Variants in MYO1G observed in about 807,000 individuals in gnomAD.
MYO1G encodes the protein unconventional myosin-Ig.
In MYO1G, 65 loss-of-function variants were observed where a neutral mutation model predicts 115.3. The ratio of observed to expected loss-of-function variants is 0.56; its 90% CI spans 0.46 to 0.69. MYO1G has a LOEUF of 0.69. Ranked by LOEUF, MYO1G falls within the 30% of genes least tolerant of loss-of-function variation. MYO1G has a pLI of 0.00. For missense variants in MYO1G, 1,204 were observed against 1,393.5 expected (o/e 0.86, Z 2.16); for synonymous variants, 510 against 552.6 (o/e 0.92, Z 1.08).
intron 7 of MYO1G, among the ~76,000 whole-genome samples, 177 bp downstream of exon 7, chr7:44,971,496 C>A (rs549970998): frequency 6.6e-6 from 1 of 152,332 alleles, no homozygotes; most frequent in South Asian, 2.1e-4. Context: ...AGAATGGGGT[C>A]TGGACCATGT....
Position 44,975,405 on chromosome 7 carries a change from C to T in MYO1G, c.564+79G>A, listed in dbSNP as rs149282135. 9.5e-4 allele frequency: 1,482 copies of T among 1,553,342 alleles called. 10 individuals carry two copies. In the African/African-American group the frequency reaches 0.014, roughly 15 times the overall value. ...GCCCAGCCCTCCTAAGCTGCACCGTCGGGATGGGTACCTTCCCAGGCCTGG... is the reference window on the plus strand; with the variant it reads ...GCCCAGCCCTCCTAAGCTGCACCGTTGGGATGGGTACCTTCCCAGGCCTGG... On this transcript the variant is annotated intron_variant, in intron 4 of 21. Coordinates refer to ENST00000258787, the MANE Select transcript of MYO1G (RefSeq NM_033054.3).
chr7:44,971,819 G>A (rs369045101), intron 6 of MYO1G, 30 bp from the exon 7 acceptor site: 2 of 1,476,744 alleles, frequency 1.4e-6, no homozygotes, highest in Admixed American at 2.0e-5. Flanking sequence ...TCACTCCAAA[G>A]CCACACTGGG....
Position 44,964,901 on chromosome 7 carries a change from C to A in MYO1G, c.2526+44G>T. On this transcript the variant is annotated intron_variant, in intron 18 of 21. Transcript: ENST00000258787. This position sits in a 1 kb window ranked among gnomAD's most constrained non-coding sequence, Gnocchi z 5.1. Reference sequence around the variant, plus strand: ...AGCATTAGCCGAGAGCCCTCTTTGGCAGCCCACTTCCCCCTGGCAGCCCTG... The same window carrying A: ...AGCATTAGCCGAGAGCCCTCTTTGGAAGCCCACTTCCCCCTGGCAGCCCTG... 3.2e-6 allele frequency: 5 copies of A among 1,569,598 alleles called. No homozygotes were observed. Among genetic ancestry groups the A allele is most frequent in the Non-Finnish European group, 4.3e-6 (5 of 1,152,264 alleles).
chr7:44,971,529 G>T (rs1390663216), intron 7 of MYO1G, 144 bp downstream of exon 7: 8 of 637,306 alleles, frequency 1.3e-5, no homozygotes, highest in Non-Finnish European at 1.9e-5. Context: ...CATCACTCGA[G>T]CAGCTCAGCT....
chr7:44,976,121 C>T (rs566872779), intron 3 of MYO1G, among the ~76,000 whole-genome samples: 1 of 152,320 alleles, frequency 6.6e-6, no homozygotes, highest in African/African-American at 2.4e-5. Context: ...AAGCTGCTTC[C>T]ATAAGGGACA....
chr7:44,969,763 A>G lies in MYO1G; in HGVS notation c.1445T>C (p.Ile482Thr). ...GTGCATGTCCAGGGTCTGCAGGAAG[A>G]TTCGGTCAGTGATGGTGCCAGCAGA... ...CSSAGTITDR[I>T]FLQTLDMHHR... Residue 482 changes from isoleucine to threonine, a missense_variant, in exon 11 of 22, where the codon ATC becomes ACC. By Grantham distance (89) the Ile-to-Thr change is moderately conservative. Transcript: ENST00000258787. The surrounding 1 kb of genome is among the most constrained non-coding windows in gnomAD (Gnocchi z 5.0). 6.2e-7 allele frequency: 1 copy of G among 1,612,614 alleles called. No homozygotes were observed. Among genetic ancestry groups the G allele is most frequent in the Non-Finnish European group, 8.5e-7 (1 of 1,179,934 alleles).
In MYO1G at chr7:44,963,195, C is replaced by T. The variant is rs2128700729; in HGVS notation, c.2746-71G>A. The stretch of plus-strand genomic sequence containing the variant: ...CCAGCCTAGCCGGACTCACCCCCTC[C>T]CCAGGAAGCCTCTGCCGAACCCCCA... On this transcript the variant is annotated intron_variant, in intron 20 of 21. Transcript: ENST00000258787. This position sits in a 1 kb window ranked among gnomAD's most constrained non-coding sequence, Gnocchi z 4.1. 5.1e-6 allele frequency: 7 copies of T among 1,374,970 alleles called. No homozygotes were observed. The South Asian group carries it at 1.1e-4, about 22-fold the overall frequency. The allele number at this position is 1,374,970 out of a possible 1,614,324, so 85.2% of individuals were successfully genotyped here. A position where few individuals can be genotyped will look rare whatever the true frequency, so the allele number is the denominator to read the frequency against.
intron 13 of MYO1G, 36 bp from the exon 14 acceptor site, chr7:44,967,773 G>T: frequency 6.2e-7 from 1 of 1,612,310 alleles, no homozygotes; most frequent in Non-Finnish European, 8.5e-7. Flanking sequence ...CCATCCTCTG[G>T]GAGAGCAGCC....
Position 44,978,898 on chromosome 7 carries a change from T to C in MYO1G, c.64A>G (p.Met22Val), listed in dbSNP as rs1795132125. 1 of 1,614,074 alleles carries C rather than the reference T, an allele frequency of 6.2e-7. No individual in the cohort carries two copies. Among genetic ancestry groups the C allele is most frequent in the South Asian group, 1.1e-5 (1 of 91,094 alleles). The change falls in exon 1 of 22, where the codon ATG (methionine) becomes GTG (valine). Residue 22 changes from methionine to valine, a missense_variant. Physicochemically the swap from Met to Val is conservative, Grantham distance 21. Transcript: ENST00000258787. ...PDFVLLDQVT[M>V]EDFMRNLQLR... is the part of the protein sequence containing the mutation. ...TGCAGGTTCCTCATGAAGTCCTCCA[T>C]GGTCACTTGGTCCAAAAGCACAAAG...
Position 44,964,419 on chromosome 7 carries a change from C to A in MYO1G, c.2627G>T (p.Arg876Leu). The change falls in exon 19 of 22, where the codon CGC becomes CTC. Residue 876 changes from arginine to leucine, a missense_variant. Physicochemically the swap from Arg to Leu is moderately radical, Grantham distance 102 (BLOSUM62 -2). Transcript: ENST00000258787. The surrounding 1 kb of genome is among the most constrained non-coding windows in gnomAD (Gnocchi z 5.1). ...CATCCTTGTCCCTTGTCTAACCTTG[C>A]GGACATGGCTTGAAAAGAGCACAGC... is the stretch of plus-strand genomic sequence containing the variant. ...FGAVLFSSHVRKVNRFHKIRN... is the reference protein window; with the variant it reads ...FGAVLFSSHVLKVNRFHKIRN... 1.9e-6 allele frequency: 3 copies of A among 1,612,708 alleles called. No homozygotes were observed. The highest frequency in any genetic ancestry group is 1.7e-6 in the Non-Finnish European group (2 of 1,178,824).
rs778023178 is a variant in MYO1G, at chr7:44,963,033, G to A, written c.2837C>T (p.Ser946Phe). ...AACGCGGTTGTCCAATGGCGGCCGG[G>A]AGCGGTGCAGGCACACCACGAGGTC... ...QDDLVVCLHRSRPPLDNRVGE... is the reference protein window; with the variant it reads ...QDDLVVCLHRFRPPLDNRVGE... Residue 946 changes from serine (S) to phenylalanine (F), a missense_variant, in exon 21 of 22, where the codon TCC (serine) becomes TTC (phenylalanine). Transcript: ENST00000258787. This position sits in a 1 kb window ranked among gnomAD's most constrained non-coding sequence, Gnocchi z 4.1. 1 of 1,531,508 alleles carries A rather than the reference G, an allele frequency of 6.5e-7. No homozygotes were observed. The highest frequency in any genetic ancestry group is 8.7e-7 in the Non-Finnish European group (1 of 1,143,912). The allele number at this position is 1,531,508 out of a possible 1,614,324, so 94.9% of individuals were successfully genotyped here.
rs1794839586 is a variant in MYO1G, at chr7:44,966,188, T to C, written c.2042A>G (p.Gln681Arg). 6.2e-7 allele frequency: 1 copy of C among 1,612,680 alleles called. No individual in the cohort carries two copies. Among genetic ancestry groups the C allele is most frequent in the South Asian group, 1.1e-5 (1 of 91,022 alleles). Residue 681 changes from glutamine (Q) to arginine (R), a missense_variant, in exon 16 of 22, where the codon CAG (glutamine) becomes CGG (arginine). By Grantham distance (43) the Gln-to-Arg change is conservative. Coordinates refer to ENST00000258787, the MANE Select transcript of MYO1G (RefSeq NM_033054.3). The surrounding 1 kb of genome is among the most constrained non-coding windows in gnomAD (Gnocchi z 5.0). Reference protein sequence around the residue: ...VSALLEQHGLQGDVAFGHSKL... With the variant: ...VSALLEQHGLRGDVAFGHSKL... The stretch of plus-strand genomic sequence containing the variant: ...GCTGTGGCCAAAGGCCACGTCCCCC[T>C]GCAGCCCGTGCTGCTCCAGGAGAGC...
At chr7:44,976,470 T>C (rs1795050868) in intron 3 of MYO1G, 94 bp downstream of exon 3, 1 of 1,188,216 alleles carries the variant, frequency 8.4e-7, no homozygotes, top group Non-Finnish European at 1.2e-6. Flanking sequence ...TAGACTCCAG[T>C]TGCCGTCTCT....
Position 44,969,600 on chromosome 7 carries a change from C to T in MYO1G, c.1503+105G>A. 1 of 1,579,114 alleles carries T rather than the reference C, an allele frequency of 6.3e-7. No homozygotes were observed. The highest frequency in any genetic ancestry group is 1.1e-5 in the South Asian group (1 of 90,044). Reference sequence around the variant, plus strand: ...GGTTGCCACAGTGACGACAATGGCACCAAAGCTGGGTCCCCAACCAGGCCC... The same window carrying T: ...GGTTGCCACAGTGACGACAATGGCATCAAAGCTGGGTCCCCAACCAGGCCC... On this transcript the variant is annotated intron_variant, in intron 11 of 21. Coordinates refer to ENST00000258787, the MANE Select transcript of MYO1G (RefSeq NM_033054.3). The surrounding 1 kb of genome is among the most constrained non-coding windows in gnomAD (Gnocchi z 5.0).
chr7:44,969,780 GC>G lies in MYO1G; in HGVS notation c.1427del (p.Gly476AlafsTer94). On this transcript the variant is annotated frameshift_variant, in exon 11 of 22. Transcript: ENST00000258787. LOFTEE classifies it high-confidence loss of function. The surrounding 1 kb of genome is among the most constrained non-coding windows in gnomAD (Gnocchi z 5.0). Reference protein sequence around the residue: ...AVLDEACSSAGTITDRIFLQT... With the variant: ...AVLDEACSSAXTITDRIFLQT... ...GCAGGAAGATTCGGTCAGTGATGGTGCCAGCAGAGCTGCAGGCCTCGTCCAG... is the reference window on the plus strand; with the variant it reads ...GCAGGAAGATTCGGTCAGTGATGGTGCAGCAGAGCTGCAGGCCTCGTCCAG... 6.2e-7 allele frequency: 1 copy of G among 1,612,884 alleles called. No homozygotes were observed. Among genetic ancestry groups the G allele is most frequent in the East Asian group, 2.2e-5 (1 of 44,878 alleles).
intron 3 of MYO1G, among the ~76,000 whole-genome samples, chr7:44,976,321 C>T (rs1045797698): frequency 6.6e-6 from 1 of 152,230 alleles, no homozygotes; most frequent in Non-Finnish European, 1.5e-5. Flanking sequence ...GCTGCCTCCT[C>T]CCAGCTGGTA....
chr7:44,971,837 C>T, intron 6 of MYO1G, 48 bp from the exon 7 acceptor site: 1 of 1,381,200 alleles, frequency 7.2e-7, no homozygotes, highest in Non-Finnish European at 1.0e-6. Flanking sequence ...GGGCCCAGGA[C>T]ACCTGTCTCC....
chr7:44,977,079 C>A lies in MYO1G; in HGVS notation c.96-8G>T. 2 of 1,611,834 alleles carry A rather than the reference C, an allele frequency of 1.2e-6. No individual in the cohort carries two copies. Among genetic ancestry groups the A allele is most frequent in the Non-Finnish European group, 1.7e-6 (2 of 1,179,418 alleles). ...ATGCGGCCCTTCTCGAACCTGGACACAGCAGGGGTAGGCCTCAGCACTCAC... is the reference window on the plus strand; with the variant it reads ...ATGCGGCCCTTCTCGAACCTGGACAAAGCAGGGGTAGGCCTCAGCACTCAC... On this transcript the variant is annotated splice_polypyrimidine_tract_variant and splice_region_variant and intron_variant, in intron 1 of 21. Transcript: ENST00000258787.
rs1330404740 is a variant in MYO1G at position 44,962,759 on chromosome 7, G to C, written c.3037C>G (p.Leu1013Val). 2.7e-6 allele frequency: 4 copies of C among 1,484,226 alleles called. No individual in the cohort carries two copies. Among genetic ancestry groups the C allele is most frequent in the Non-Finnish European group, 3.5e-6 (4 of 1,127,492 alleles). The allele number at this position is 1,484,226 out of a possible 1,614,324, so 91.9% of individuals were successfully genotyped here. A position where few individuals can be genotyped will look rare whatever the true frequency, so the allele number is the denominator to read the frequency against. ...DFRCARGSFT[L>V]LWPSR Reference sequence around the variant, plus strand: ...GGCGCTCAGCGGCTGGGCCAGAGCAGGGTGAAGGAGCCGCGAGCGCAGCGG... The same window carrying C: ...GGCGCTCAGCGGCTGGGCCAGAGCACGGTGAAGGAGCCGCGAGCGCAGCGG... The change falls in exon 22 of 22, where the codon CTG (leucine) becomes GTG (valine). Residue 1013 changes from leucine (L) to valine (V), a missense_variant. By Grantham distance (32) the Leu-to-Val change is conservative. Transcript: ENST00000258787. This position sits in a 1 kb window ranked among gnomAD's most constrained non-coding sequence, Gnocchi z 5.3.
Sources: allele counts gnomAD v4.1 joint callset (sites outside exome capture counted in the v4.1 genomes callset), GRCh38; gene constraint gnomAD v4.1.1; non-coding constraint Gnocchi (gnomAD v3.1); transcripts MANE v1.5; gene names NCBI Gene and HGNC (gene_info 2026-07-23, HGNC 2026-07-21).